ZNF91: variants seen among roughly 807,000 people sequenced by gnomAD.
The protein encoded by ZNF91 is zinc finger protein 91 (HPF7, HTF10).
In ZNF91, 7 loss-of-function variants were observed where a neutral mutation model predicts 12.6. The ratio of observed to expected loss-of-function variants is 0.55; its 90% CI spans 0.31 to 1.04. ZNF91 has a LOEUF of 1.04. ZNF91 is among the 50% of genes least tolerant of loss of function. The pLI is 0.05. For missense variants in ZNF91, 1,217 were observed against 1,385.4 expected (o/e 0.88, Z 1.93); for synonymous variants, 453 against 462.6 (o/e 0.98, Z 0.27).
Position 23,352,295 on chromosome 19 carries a change from G to C in ZNF91, c.254-13241C>G, listed in dbSNP as rs550182137. On this transcript the variant is annotated intron_variant, in intron 3 of 3. Transcript: ENST00000599743. ...CCCCCACTTCCCTGACATCCTGTAT[G>C]ACTCAGCAGAGACAGCCATAATCTT... Among the ~76,000 whole-genome samples the C allele has an allele frequency of 4.9e-4, 74 of 152,200 alleles. No homozygotes were observed. The South Asian group carries it at 0.011, about 23-fold the overall frequency.
At chr19:23,375,729 G>A (rs1165721738) in intron 1 of ZNF91, among the ~76,000 whole-genome samples, 1 of 151,868 alleles carries the variant, frequency 6.6e-6, no homozygotes, top group Non-Finnish European at 1.5e-5. Context: ...AAAAAAAAGG[G>A]CAGCTGCCAG....
At chr19:23,386,702 C>T (rs1387387693) in intron 1 of ZNF91, among the ~76,000 whole-genome samples, 3 of 152,048 alleles carry the variant, frequency 2.0e-5, no homozygotes, top group South Asian at 2.1e-4. Context: ...TGATAAAAAA[C>T]CCTGGAAGAT....
intron 3 of ZNF91, among the ~76,000 whole-genome samples, chr19:23,373,136 A>T (rs1479695669): frequency 6.6e-6 from 1 of 152,124 alleles, no homozygotes; most frequent in Non-Finnish European, 1.5e-5. Flanking sequence ...ATAGATTTTT[A>T]CTTTCTGAAA....
At chr19:23,355,892 T>C (rs764492071), downstream of ZNF91, among the ~76,000 whole-genome samples, 1 of 151,816 alleles carries the variant, frequency 6.6e-6, no homozygotes, top group Non-Finnish European at 1.5e-5. Context: ...AACAAACATA[T>C]AAAAAATGGT....
rs551823316 is a variant in ZNF91, at chr19:23,395,203, G to A, written c.30+122C>T. On this transcript the variant is annotated intron_variant, in intron 1 of 3. Coordinates refer to ENST00000300619, the MANE Select transcript of ZNF91 (RefSeq NM_003430.4). Reference sequence around the variant, plus strand: ...GGGGACTGAGGCCGAGCTGGGCAAGGAGAACCCGGGCACGGATTGTGGAGC... The same window carrying A: ...GGGGACTGAGGCCGAGCTGGGCAAGAAGAACCCGGGCACGGATTGTGGAGC... 19 of 1,271,194 alleles carry A rather than the reference G, an allele frequency of 1.5e-5. 1 individual carries two copies. The highest frequency in any genetic ancestry group is 8.0e-5 in the South Asian group (6 of 75,086). 78.7% of individuals were successfully genotyped at this position (1,271,194 alleles called of 1,614,324 possible). A position where few individuals can be genotyped will look rare whatever the true frequency, so the allele number is the denominator to read the frequency against.
intron 3 of ZNF91, among the ~76,000 whole-genome samples, chr19:23,365,617 A>G (rs1235509025): frequency 6.7e-6 from 1 of 148,992 alleles, no homozygotes; most frequent in Non-Finnish European, 1.5e-5. Flanking sequence ...TCTCGCAGAG[A>G]GGGATTTGGC....
At chr19:23,369,714 T>C (rs1402315996) in intron 3 of ZNF91, among the ~76,000 whole-genome samples, 1 of 151,896 alleles carries the variant, frequency 6.6e-6, no homozygotes, top group Non-Finnish European at 1.5e-5. Context: ...CCCCCAACCC[T>C]GTGCTCTCTG....
chr19:23,361,112 T>A lies in ZNF91; in HGVS notation c.1867A>T (p.Ile623Leu). The A allele has an allele frequency of 3.7e-6, 6 of 1,613,980 alleles. No homozygotes were observed. Among genetic ancestry groups the A allele is most frequent in the Non-Finnish European group, 5.1e-6 (6 of 1,179,930 alleles). The change falls in exon 4 of 4, where the codon ATA becomes TTA. Residue 623 changes from isoleucine to leucine, a missense_variant. Ile to Leu is a conservative substitution (Grantham distance 5). Transcript: ENST00000300619. ...TTGTAGGGTTTCTCTCCAGTGTGTA[T>A]CCTCTTATGTCTTCTTAGGGTTGAG... ...WSSTLRRHKR[I>L]HTGEKPYKCE...
At chr19:23,338,533 CAA>C (rs1375507761), downstream of ZNF91, 5 of 151,808 alleles carry the variant, frequency 3.3e-5, no homozygotes, top group Admixed American at 3.3e-4. Flanking sequence ...AATATAAAAA[CAA>C]GAGATTGATA....
chr19:23,319,602 C>T (rs1967641713), intron 1 of ZNF91, among the ~76,000 whole-genome samples: 1 of 152,218 alleles, frequency 6.6e-6, no homozygotes, highest in South Asian at 2.1e-4. Flanking sequence ...GGACATGTGA[C>T]TCTTCTTTTC....
At chr19:23,316,989 C>T (rs141432918) in intron 1 of ZNF91, among the ~76,000 whole-genome samples, 97 of 152,190 alleles carry the variant, frequency 6.4e-4, no homozygotes, top group African/African-American at 2.3e-3. Context: ...CAACACAGAC[C>T]ACAGCTGGAA....
At chr19:23,354,666 A>T (rs951226664), downstream of ZNF91, among the ~76,000 whole-genome samples, 1 of 152,122 alleles carries the variant, frequency 6.6e-6, no homozygotes, top group Admixed American at 6.5e-5. Flanking sequence ...AAATCAGTAA[A>T]CAGGAAGTCA....
intron 3 of ZNF91, among the ~76,000 whole-genome samples, chr19:23,346,278 G>A (rs970640604): frequency 4.6e-5 from 7 of 151,974 alleles, no homozygotes; most frequent in East Asian, 1.9e-4. Flanking sequence ...GACGAGGACC[G>A]TATCTAGACC....
chr19:23,353,555 C>T (rs1021368340), downstream of ZNF91, among the ~76,000 whole-genome samples: 1 of 151,764 alleles, frequency 6.6e-6, no homozygotes, highest in Non-Finnish European at 1.5e-5. Context: ...ACTAGAGAAA[C>T]AAGAACAAAC....
At chr19:23,342,005 G>A (rs113828973) in intron 3 of ZNF91, among the ~76,000 whole-genome samples, 1,905 of 152,282 alleles carry the variant, frequency 0.013, 39 homozygotes, top group African/African-American at 0.043. Flanking sequence ...GAATTTAAGG[G>A]TATGGGACAA....
chr19:23,380,335 C>A (rs1271506085), intron 1 of ZNF91: 2 of 138,532 alleles, frequency 1.4e-5, no homozygotes, highest in East Asian at 4.2e-4. Context: ...GGAGAGCTTG[C>A]AGGCCTCCCG....
intron 3 of ZNF91, among the ~76,000 whole-genome samples, chr19:23,346,129 T>C (rs1568375505): frequency 6.6e-6 from 1 of 152,032 alleles, no homozygotes; most frequent in Non-Finnish European, 1.5e-5. Flanking sequence ...CTCACTGATA[T>C]CTCTCAAATT....
chr19:23,366,283 C>A (rs1220557092), intron 3 of ZNF91, among the ~76,000 whole-genome samples: 1 of 151,836 alleles, frequency 6.6e-6, no homozygotes, highest in African/African-American at 2.4e-5. Context: ...GGCGGCTGGC[C>A]TGGCGGGGGG....
intron 3 of ZNF91, among the ~76,000 whole-genome samples, chr19:23,371,810 T>C (rs1484668038): frequency 6.6e-6 from 1 of 152,174 alleles, no homozygotes; most frequent in African/African-American, 2.4e-5. Flanking sequence ...CAATCATAAA[T>C]AGGAGATGCT....
Sources: allele counts gnomAD v4.1 joint callset (sites outside exome capture counted in the v4.1 genomes callset), GRCh38; gene constraint gnomAD v4.1.1; transcripts MANE v1.5; gene names NCBI Gene and HGNC (gene_info 2026-07-23, HGNC 2026-07-21).